Variants in SLC14A2 observed in about 807,000 individuals in gnomAD.
SLC14A2 encodes the protein urea transporter 2.
In SLC14A2, 91 loss-of-function variants were observed where a neutral mutation model predicts 104.6. The ratio of observed to expected loss-of-function variants is 0.87; its 90% CI spans 0.73 to 1.04. The LOEUF is 1.04. Among genes scored for constraint, SLC14A2 ranks in the 50% least tolerant of loss-of-function variants. The pLI is 0.00. For synonymous variants in SLC14A2, 476 were observed against 466.4 expected (o/e 1.02, Z -0.27); for missense variants, 1,189 against 1,156.0 (o/e 1.03, Z -0.41).
At chr18:45,572,167 A>T (rs1297849879) in intron 2 of SLC14A2, among the ~76,000 whole-genome samples, 2 of 152,230 alleles carry the variant, frequency 1.3e-5, no homozygotes, top group African/African-American at 4.8e-5. Flanking sequence ...AAAGCTGTTC[A>T]GAGTTAATTA....
At chr18:45,632,834 C>T (rs548892966) in intron 5 of SLC14A2, among the ~76,000 whole-genome samples, 13 of 152,256 alleles carry the variant, frequency 8.5e-5, no homozygotes, top group South Asian at 8.3e-4. Flanking sequence ...CCCGCCACCA[C>T]GCCCAGCTAA....
chr18:45,250,755 CTTTTTTTTTTT>C (rs67864793), intron 1 of SLC14A2, among the ~76,000 whole-genome samples: 1 of 93,894 alleles, frequency 1.1e-5, no homozygotes. Context: ...TGGCTTCTTC[CTTTTTTTTTTT>C]TTTTTTTTTT....
At chr18:45,330,522 T>A (rs751271163) in intron 1 of SLC14A2, among the ~76,000 whole-genome samples, 1 of 151,626 alleles carries the variant, frequency 6.6e-6, no homozygotes, top group Non-Finnish European at 1.5e-5. Context: ...TCATGCCCTA[T>A]CTTTGAGTGA....
chr18:45,564,437 G>T (rs563779604), intron 2 of SLC14A2, among the ~76,000 whole-genome samples: 1 of 152,294 alleles, frequency 6.6e-6, no homozygotes, highest in Admixed American at 6.5e-5. Flanking sequence ...CTGCACAGTG[G>T]GTAACAGGAG....
chr18:45,549,623 AATGCTAGTCGG>A (rs1160258007), intron 2 of SLC14A2, among the ~76,000 whole-genome samples: 1 of 152,206 alleles, frequency 6.6e-6, no homozygotes, highest in Non-Finnish European at 1.5e-5. Flanking sequence ...TGGAGGCAAA[AATGCTAGTCGG>A]ATGCTACGGC....
intron 1 of SLC14A2, among the ~76,000 whole-genome samples, chr18:45,328,277 G>C (rs902047136): frequency 6.6e-6 from 1 of 152,190 alleles, no homozygotes; most frequent in Admixed American, 6.5e-5. Context: ...TGGTCCTGGA[G>C]TCCCCAGCAA....
chr18:45,511,407 G>A (rs918998649), intron 2 of SLC14A2, among the ~76,000 whole-genome samples: 3 of 152,004 alleles, frequency 2.0e-5, no homozygotes, highest in Admixed American at 2.0e-4. Flanking sequence ...ATCCTTTTGG[G>A]ATCCACTAGA....
Position 45,490,805 on chromosome 18 carries a change from C to T in SLC14A2, c.-35+7483C>T, listed in dbSNP as rs910138213. 7.2e-5 allele frequency among the ~76,000 whole-genome samples: 11 copies of T among 152,010 alleles called. 1 individual carries two copies. Among genetic ancestry groups the T allele is most frequent in the Admixed American group, 7.2e-4 (11 of 15,258 alleles). On this transcript the variant is annotated intron_variant, in intron 2 of 20. Coordinates refer to the SLC14A2 transcript ENST00000586448. Reference sequence around the variant, plus strand: ...AAAGACAAACAGCCCAACAGAAAAACAAAATATTAAAGCAGGCAGTTCACA... The same window carrying T: ...AAAGACAAACAGCCCAACAGAAAAATAAAATATTAAAGCAGGCAGTTCACA...
intron 10 of SLC14A2, among the ~76,000 whole-genome samples, chr18:45,655,822 T>C (rs2045826614): frequency 6.6e-6 from 1 of 152,234 alleles, no homozygotes; most frequent in Non-Finnish European, 1.5e-5. Context: ...TACAAAATAA[T>C]TCTTAATTTT....
chr18:45,413,856 T>C (rs1417290360), intron 1 of SLC14A2, among the ~76,000 whole-genome samples: 1 of 152,118 alleles, frequency 6.6e-6, no homozygotes, highest in Non-Finnish European at 1.5e-5. Flanking sequence ...AAGGTAACCA[T>C]AGTGCCTGCT....
chr18:45,395,039 C>T (rs541983038), intron 1 of SLC14A2, among the ~76,000 whole-genome samples: 1 of 152,000 alleles, frequency 6.6e-6, no homozygotes, highest in South Asian at 2.1e-4. Context: ...GGGTACTGAC[C>T]AAAAAGAATT....
At chr18:45,173,089 G>A in the SLC14A2 span, among the ~76,000 whole-genome samples, 2 of 152,168 alleles carry the variant, frequency 1.3e-5, no homozygotes, top group Non-Finnish European at 2.9e-5. Flanking sequence ...AGATACCAAT[G>A]TGATTAGCTG....
At chr18:45,462,399 T>C (rs1177254075) in intron 1 of SLC14A2, among the ~76,000 whole-genome samples, 1 of 152,190 alleles carries the variant, frequency 6.6e-6, no homozygotes, top group African/African-American at 2.4e-5. Flanking sequence ...AAGGGACTTG[T>C]ACACTGTCTA....
intron 1 of SLC14A2, among the ~76,000 whole-genome samples, chr18:45,273,368 C>G (rs2084670398): frequency 6.6e-6 from 1 of 152,092 alleles, no homozygotes; most frequent in Admixed American, 6.6e-5. Context: ...TCACTGTAGA[C>G]AGGAAAATGG....
chr18:45,533,715 C>G (rs577299004), intron 2 of SLC14A2, among the ~76,000 whole-genome samples: 5 of 152,146 alleles, frequency 3.3e-5, no homozygotes, highest in Admixed American at 2.6e-4. Flanking sequence ...CTGCTCTGAT[C>G]TTAGTTATTT....
chr18:45,201,033 T>A, the SLC14A2 span, among the ~76,000 whole-genome samples: 2 of 152,158 alleles, frequency 1.3e-5, no homozygotes, highest in Non-Finnish European at 2.9e-5. Context: ...CATTTTTTGA[T>A]GACCATGACC....
intron 1 of SLC14A2, among the ~76,000 whole-genome samples, chr18:45,368,477 C>G (rs1302661859): frequency 6.6e-6 from 1 of 152,172 alleles, no homozygotes; most frequent in African/African-American, 2.4e-5. Flanking sequence ...CTGGAGTAGA[C>G]AATCGCTTCC....
At chr18:45,582,813 C>A (rs1481887638) in intron 2 of SLC14A2, among the ~76,000 whole-genome samples, 2 of 152,140 alleles carry the variant, frequency 1.3e-5, no homozygotes, top group African/African-American at 4.8e-5. Flanking sequence ...TGACATACCC[C>A]TGGGAATTTC....
intron 1 of SLC14A2, among the ~76,000 whole-genome samples, chr18:45,393,967 G>T (rs926177147): frequency 1.3e-5 from 2 of 152,178 alleles, no homozygotes; most frequent in Non-Finnish European, 2.9e-5. Context: ...CCAGATTCAG[G>T]TCTAAATGGC....
Sources: allele counts gnomAD v4.1 joint callset (sites outside exome capture counted in the v4.1 genomes callset), GRCh38; gene constraint gnomAD v4.1.1; transcripts MANE v1.5; gene names NCBI Gene and HGNC (gene_info 2026-07-23, HGNC 2026-07-21).